TNNI3K: variants seen among roughly 807,000 people sequenced by gnomAD.
The protein encoded by TNNI3K is TNNI3 interacting kinase.
Under a neutral mutation model 114.5 loss-of-function variants are expected in TNNI3K, and 140 were observed. The observed-to-expected ratio is 1.22, with a 90% CI of 1.07 to 1.41. The LOEUF is 1.41. TNNI3K is among the 40% of genes most tolerant of loss of function. The probability of loss-of-function intolerance (pLI) is 0.00; values close to 1 mark genes in which losing one functional copy is unlikely to be tolerated. For synonymous variants in TNNI3K, 347 were observed against 347.5 expected, an observed-to-expected ratio of 1.00 and a Z score of 0.02; for missense variants, 1,125 against 1,007.6, an observed-to-expected ratio of 1.12 and a Z score of -1.58.
chr1:74,283,614 A>G (rs1375790941), intron 5 of TNNI3K, among the ~76,000 whole-genome samples: 1 of 152,196 alleles, frequency 6.6e-6, no homozygotes, highest in African/African-American at 2.4e-5. Flanking sequence ...TGGAAGAAAC[A>G]TTACCTGAAA....
chr1:74,295,694 A>G (rs539402360), intron 5 of TNNI3K, among the ~76,000 whole-genome samples: 31 of 152,190 alleles, frequency 2.0e-4, no homozygotes, highest in Admixed American at 3.9e-4. Flanking sequence ...TAGTGTTTGC[A>G]TGACATTTTT....
intron 20 of TNNI3K, among the ~76,000 whole-genome samples, chr1:74,461,069 ACCAGCT>A (rs146159009): frequency 0.058 from 8,816 of 152,268 alleles, 434 homozygotes; most frequent in African/African-American, 0.14. Flanking sequence ...TTACAGCTAC[ACCAGCT>A]CAACAATATC....
intron 4 of TNNI3K, among the ~76,000 whole-genome samples, chr1:74,257,432 A>T (rs1381201223): frequency 6.6e-6 from 1 of 152,104 alleles, no homozygotes; most frequent in African/African-American, 2.4e-5. Flanking sequence ...GTTTCTTCAT[A>T]TATCAATTAA....
Position 74,342,949 on chromosome 1 carries a change from C to T in TNNI3K, c.790C>T (p.His264Tyr). Residue 264 changes from histidine to tyrosine, a missense_variant, in exon 8 of 25, where the codon CAT (histidine) becomes TAT (tyrosine). Transcript: ENST00000326637. ...GCAAAGTGATTTGGAAGTTCAACCTCATGTTGTTAATATCTATGGAGATAC... is the reference window on the plus strand; with the variant it reads ...GCAAAGTGATTTGGAAGTTCAACCTTATGTTGTTAATATCTATGGAGATAC... The part of the protein sequence containing the change: ...LLQSDLEVQP[H>Y]VVNIYGDTPL... 1 of 1,613,864 alleles carries T rather than the reference C, an allele frequency of 6.2e-7. No homozygotes were observed. Among genetic ancestry groups the T allele is most frequent in the South Asian group, 1.1e-5 (1 of 91,084 alleles).
chr1:74,323,105 G>A (rs1007674520), intron 5 of TNNI3K, among the ~76,000 whole-genome samples: 1 of 151,776 alleles, frequency 6.6e-6, no homozygotes, highest in Non-Finnish European at 1.5e-5. Flanking sequence ...TTTCAGTCAA[G>A]TGCAAACAAT....
chr1:74,397,857 A>T (rs1664165331), intron 17 of TNNI3K, among the ~76,000 whole-genome samples: 1 of 152,232 alleles, frequency 6.6e-6, no homozygotes, highest in Non-Finnish European at 1.5e-5. Flanking sequence ...AGTCAGACCA[A>T]ACCTCTGAAT....
intron 5 of TNNI3K, among the ~76,000 whole-genome samples, chr1:74,309,177 G>C (rs1658830837): frequency 6.6e-6 from 1 of 150,616 alleles, no homozygotes; most frequent in Non-Finnish European, 1.5e-5. Context: ...GACCATCCTG[G>C]CTAACACGGT....
intron 5 of TNNI3K, among the ~76,000 whole-genome samples, chr1:74,293,711 C>G (rs1234662479): frequency 1.3e-5 from 2 of 151,576 alleles, no homozygotes; most frequent in Non-Finnish European, 3.0e-5. Context: ...CACTCTAGAA[C>G]AATGTCAAAC....
intron 17 of TNNI3K, among the ~76,000 whole-genome samples, chr1:74,376,020 G>A (rs1454082592): frequency 6.6e-6 from 1 of 151,750 alleles, no homozygotes; most frequent in Non-Finnish European, 1.5e-5. Context: ...TTATTCTAGT[G>A]GGTATAAAGG....
chr1:74,499,504 G>A (rs1382549910), intron 23 of TNNI3K, among the ~76,000 whole-genome samples: 1 of 152,006 alleles, frequency 6.6e-6, no homozygotes, highest in Non-Finnish European at 1.5e-5. Flanking sequence ...ATCTCTCATT[G>A]TGCCTAATTT....
chr1:74,412,811 A>T (rs1664948088), intron 17 of TNNI3K, among the ~76,000 whole-genome samples: 1 of 151,988 alleles, frequency 6.6e-6, no homozygotes, highest in Admixed American at 6.6e-5. Flanking sequence ...GATGGGTTTC[A>T]CCATGCTAGC....
intron 13 of TNNI3K, 24 bp from the exon 14 acceptor site, chr1:74,368,998 T>A (rs777627984): frequency 1.3e-6 from 2 of 1,577,982 alleles, no homozygotes; most frequent in Admixed American, 3.8e-5. Flanking sequence ...CCTTAAAAAA[T>A]AAAATGACAA....
intron 2 of TNNI3K, among the ~76,000 whole-genome samples, chr1:74,244,384 T>C (rs147186964): frequency 2.0e-5 from 3 of 152,256 alleles, no homozygotes; most frequent in Admixed American, 1.3e-4. Context: ...GAGTCACTTA[T>C]AGATGGTAAA....
chr1:74,435,243 C>A (rs888972584), intron 17 of TNNI3K, among the ~76,000 whole-genome samples: 3 of 152,036 alleles, frequency 2.0e-5, no homozygotes, highest in African/African-American at 7.2e-5. Flanking sequence ...TTTGGACTAT[C>A]TCAGCTTTGA....
intron 20 of TNNI3K, among the ~76,000 whole-genome samples, chr1:74,451,509 C>G (rs1666991201): frequency 6.6e-6 from 1 of 151,846 alleles, no homozygotes; most frequent in Non-Finnish European, 1.5e-5. Flanking sequence ...TTTACTTCTC[C>G]ATCCTAGTTC....
intron 5 of TNNI3K, among the ~76,000 whole-genome samples, chr1:74,280,440 A>G (rs1340408075): frequency 6.6e-6 from 1 of 152,146 alleles, no homozygotes; most frequent in Non-Finnish European, 1.5e-5. Context: ...TGGGAAAGAC[A>G]GTCCTGCATT....
At chr1:74,410,944 G>T (rs1020746283) in intron 17 of TNNI3K, among the ~76,000 whole-genome samples, 1 of 151,992 alleles carries the variant, frequency 6.6e-6, no homozygotes, top group African/African-American at 2.4e-5. Context: ...GAAAAGCAAA[G>T]GTTTTTCTCT....
intron 17 of TNNI3K, among the ~76,000 whole-genome samples, chr1:74,396,164 G>A (rs1456072909): frequency 1.3e-5 from 2 of 152,174 alleles, no homozygotes; most frequent in African/African-American, 4.8e-5. Flanking sequence ...ACAAAGTAGA[G>A]GACAGGGAGA....
chr1:74,493,699 GTC>G (rs1281297421), intron 23 of TNNI3K, among the ~76,000 whole-genome samples: 1 of 152,072 alleles, frequency 6.6e-6, no homozygotes, highest in Non-Finnish European at 1.5e-5. Flanking sequence ...TATTCCTTGG[GTC>G]TATCAACCTC....
Sources: allele counts gnomAD v4.1 joint callset (sites outside exome capture counted in the v4.1 genomes callset), GRCh38; gene constraint gnomAD v4.1.1; transcripts MANE v1.5; gene names NCBI Gene and HGNC (gene_info 2026-07-23, HGNC 2026-07-21).